MACC1: variants seen among roughly 807,000 people sequenced by gnomAD.
MACC1 encodes metastasis-associated in colon cancer protein 1.
Under a neutral mutation model 70.7 loss-of-function variants are expected in MACC1, and 79 were observed. That is an observed-to-expected ratio of 1.12 (90% CI 0.93 to 1.35). The LOEUF (loss-of-function observed/expected upper bound fraction) is 1.35. MACC1 is among the 40% of genes most tolerant of loss of function. The pLI, the probability that MACC1 is intolerant of heterozygous loss-of-function variation, is 0.00. For synonymous variants in MACC1, 361 were observed against 347.2 expected (o/e 1.04, Z -0.44); for missense variants, 1,106 against 978.1 (o/e 1.13, Z -1.74).
At position 20,158,821 on chromosome 7, in the gene MACC1, G is replaced by A. The variant is rs1435073979; in HGVS notation, c.1540C>T (p.Leu514Phe). Reference sequence around the variant, plus strand: ...TGCAAATAGCCTGGCAGATTCGAGAGTCTTTTTAGGTTTGGGGTTGGATCA... The same window carrying A: ...TGCAAATAGCCTGGCAGATTCGAGAATCTTTTTAGGTTTGGGGTTGGATCA... ...TPDPTPNLKR[L>F]SNLPGYLQKK... Residue 514 changes from leucine to phenylalanine, a missense_variant, in exon 5 of 7, where the codon CTC becomes TTC. Leu to Phe is a conservative substitution (Grantham distance 22, BLOSUM62 0). Transcript: ENST00000400331. 8 of 1,614,020 alleles carry A rather than the reference G, an allele frequency of 5.0e-6. No individual in the cohort carries two copies. Among genetic ancestry groups the A allele is most frequent in the Non-Finnish European group, 6.8e-6 (8 of 1,180,014 alleles).
chr7:20,194,994 C>T (rs1348793057), intron 1 of MACC1, among the ~76,000 whole-genome samples: 1 of 152,080 alleles, frequency 6.6e-6, no homozygotes, highest in East Asian at 1.9e-4. Context: ...AAAGCTTGCC[C>T]ATTATGTCAC....
At chr7:20,184,284 A>C (rs1001156872) in intron 1 of MACC1, among the ~76,000 whole-genome samples, 1 of 152,156 alleles carries the variant, frequency 6.6e-6, no homozygotes, top group Non-Finnish European at 1.5e-5. Flanking sequence ...CCCCAAGATT[A>C]ACAACATCTA....
At chr7:20,199,034 G>C (rs1274310794) in intron 1 of MACC1, among the ~76,000 whole-genome samples, 1 of 152,216 alleles carries the variant, frequency 6.6e-6, no homozygotes, top group Admixed American at 6.5e-5. Flanking sequence ...GTATTATTCA[G>C]CTGCCAGTAT....
intron 1 of MACC1, among the ~76,000 whole-genome samples, chr7:20,205,593 A>G (rs1782899624): frequency 6.6e-6 from 1 of 152,070 alleles, no homozygotes; most frequent in African/African-American, 2.4e-5. Flanking sequence ...TTGAAATAAT[A>G]TTCTCCTTAT....
In MACC1 at chr7:20,154,381, C is replaced by G; in HGVS notation, c.2158G>C (p.Ala720Pro). The G allele has an allele frequency of 6.2e-7, 1 of 1,611,388 alleles. No homozygotes were observed. Among genetic ancestry groups the G allele is most frequent in the Non-Finnish European group, 8.5e-7 (1 of 1,178,386 alleles). Residue 720 changes from alanine to proline, a missense_variant and splice_region_variant, in exon 6 of 7, where the codon GCT becomes CCT. Transcript: ENST00000400331. ...TCTTGGCAATCCATTTTCAGAAGAGCCTGCAGCAACAATTACATGTCACAA... is the reference window on the plus strand; with the variant it reads ...TCTTGGCAATCCATTTTCAGAAGAGGCTGCAGCAACAATTACATGTCACAA... The part of the protein sequence containing the change: ...TRKFLYELIV[A>P]LLKMDCQELV...
Position 20,139,286 on chromosome 7 carries a change from T to C in MACC1, c.*1660A>G, listed in dbSNP as rs1249691460. 6.6e-6 allele frequency: 1 copy of C among 152,182 alleles called. No homozygotes were observed. Among genetic ancestry groups the C allele is most frequent in the African/African-American group, 2.4e-5 (1 of 41,412 alleles). The allele number at this position is 152,182 out of a possible 1,614,324, so 9.4% of individuals were successfully genotyped here. A position where few individuals can be genotyped will look rare whatever the true frequency, so the allele number is the denominator to read the frequency against. On this transcript the variant is annotated 3_prime_UTR_variant, in exon 7 of 7. Transcript: ENST00000400331. ...TCTGCACCTATTCAGCTCCCACCCA[T>C]CTAAGAGCTTCAGTGCTTTGTGGGA...
At chr7:20,215,361 T>C (rs763085044) in intron 1 of MACC1, among the ~76,000 whole-genome samples, 7 of 152,148 alleles carry the variant, frequency 4.6e-5, no homozygotes, top group East Asian at 3.9e-4. Context: ...TATTGCAGGA[T>C]TGCTAGAAAT....
chr7:20,200,953 A>G (rs1028220532), intron 1 of MACC1, among the ~76,000 whole-genome samples: 5 of 152,192 alleles, frequency 3.3e-5, no homozygotes, highest in Admixed American at 6.5e-5. Context: ...CTACCAAGGA[A>G]GTGTTCCTCT....
rs771576722 is a variant in MACC1 at position 20,158,860 on chromosome 7, A to G, written c.1501T>C (p.Ser501Pro). 2 of 1,614,162 alleles carry G rather than the reference A, an allele frequency of 1.2e-6. No homozygotes were observed. Among genetic ancestry groups the G allele is most frequent in the Non-Finnish European group, 1.7e-6 (2 of 1,180,026 alleles). ...GGGGTTGGATCAGGAGTAGTGATAG[A>G]GAACTGTGCAACTGGTTCACCATTG... ...PPNGEPVAQF[S>P]ITTPDPTPNL... The change falls in exon 5 of 7, where the codon TCT (serine) becomes CCT (proline). Residue 501 changes from serine (S) to proline (P), a missense_variant. Ser to Pro is a moderately conservative substitution (Grantham distance 74). Coordinates refer to ENST00000400331, the MANE Select transcript of MACC1 (RefSeq NM_182762.4).
In MACC1 at chr7:20,159,453, T is replaced by G; in HGVS notation, c.908A>C (p.Gln303Pro). Residue 303 changes from glutamine (Q) to proline (P), a missense_variant, in exon 5 of 7, where the codon CAA becomes CCA. Gln to Pro is a moderately conservative substitution (Grantham distance 76). Transcript: ENST00000400331. ...TAAACACACCATTTCTGTCATGACT[T>G]GGCTGAAAGGATCCTTTCTTACTTC... ...GAEVRKDPFSQVMTEMVCLHS... is the reference protein window; with the variant it reads ...GAEVRKDPFSPVMTEMVCLHS... The G allele has an allele frequency of 6.2e-7, 1 of 1,614,046 alleles. No individual in the cohort carries two copies. The highest frequency in any genetic ancestry group is 8.5e-7 in the Non-Finnish European group (1 of 1,180,014).
chr7:20,186,525 A>G (rs1782591020), intron 1 of MACC1, among the ~76,000 whole-genome samples: 1 of 152,164 alleles, frequency 6.6e-6, no homozygotes, highest in African/African-American at 2.4e-5. Context: ...ACAGCCAAAC[A>G]TATTAAAAAT....
At chr7:20,193,472 T>A (rs1010018266) in intron 1 of MACC1, among the ~76,000 whole-genome samples, 3 of 152,238 alleles carry the variant, frequency 2.0e-5, no homozygotes, top group African/African-American at 7.2e-5. Context: ...TATGTTGAGG[T>A]GATGGTCATG....
chr7:20,196,323 G>A (rs984638946), intron 1 of MACC1, among the ~76,000 whole-genome samples: 4 of 152,216 alleles, frequency 2.6e-5, no homozygotes, highest in African/African-American at 9.6e-5. Flanking sequence ...TGGGACTACA[G>A]GCGCCCGCCA....
chr7:20,202,962 T>G (rs984854179), intron 1 of MACC1, among the ~76,000 whole-genome samples: 3 of 152,202 alleles, frequency 2.0e-5, no homozygotes, highest in African/African-American at 7.2e-5. Flanking sequence ...TGAGCAAAGA[T>G]AAGTATGTAA....
intron 1 of MACC1, among the ~76,000 whole-genome samples, chr7:20,212,521 T>A (rs993650462): frequency 1.3e-5 from 2 of 152,060 alleles, no homozygotes; most frequent in Admixed American, 1.3e-4. Flanking sequence ...TCTCTTCAGC[T>A]CTCTTCTCCT....
intron 6 of MACC1, among the ~76,000 whole-genome samples, chr7:20,145,029 GGA>G (rs1327804790): frequency 1.3e-5 from 2 of 152,156 alleles, no homozygotes; most frequent in African/African-American, 4.8e-5. Flanking sequence ...CAAGCTCCCT[GGA>G]TATCCTCCCA....
intron 6 of MACC1, among the ~76,000 whole-genome samples, chr7:20,142,194 A>T (rs1446809393): frequency 2.0e-5 from 3 of 152,204 alleles, no homozygotes; most frequent in Non-Finnish European, 4.4e-5. Flanking sequence ...CAGTAATATC[A>T]CATGAACTAA....
chr7:20,167,502 A>G (rs905790028), intron 2 of MACC1, among the ~76,000 whole-genome samples: 4 of 151,702 alleles, frequency 2.6e-5, no homozygotes, highest in Non-Finnish European at 5.9e-5. Context: ...GGCCTCCATT[A>G]TCCTCATTTT....
intron 5 of MACC1, among the ~76,000 whole-genome samples, chr7:20,157,721 C>T (rs1034179264): frequency 2.8e-5 from 4 of 141,468 alleles, no homozygotes; most frequent in Non-Finnish European, 6.0e-5. Flanking sequence ...GAGCTGTGAT[C>T]GTGCCACTGC....
Sources: allele counts gnomAD v4.1 joint callset (sites outside exome capture counted in the v4.1 genomes callset), GRCh38; gene constraint gnomAD v4.1.1; transcripts MANE v1.5; gene names NCBI Gene and HGNC (gene_info 2026-07-23, HGNC 2026-07-21).